The following ACOXL variants were observed in gnomAD, a reference collection of about 807,000 sequenced individuals.
ACOXL encodes acyl-coenzyme A oxidase-like protein.
ACOXL carries 70 observed loss-of-function variants against 71.9 expected under a neutral mutation model. The observed-to-expected ratio is 0.97, with a 90% CI of 0.80 to 1.19. The LOEUF is 1.19. Among genes scored for constraint, ACOXL ranks in the 50% most tolerant of loss-of-function variants. The probability of loss-of-function intolerance (pLI) is 0.00; values close to 1 mark genes in which losing one functional copy is unlikely to be tolerated. For synonymous variants in ACOXL, 253 were observed against 281.6 expected (o/e 0.90, Z 1.02); for missense variants, 703 against 736.3 (o/e 0.95, Z 0.52).
intron 2 of ACOXL, among the ~76,000 whole-genome samples, chr2:110,769,150 A>G (rs578021907): frequency 5.3e-4 from 81 of 152,060 alleles, no homozygotes; most frequent in African/African-American, 1.6e-3. Context: ...GACTTATCCA[A>G]AGTTTATGTC....
At chr2:110,992,643 G>A (rs1294363384) in intron 13 of ACOXL, among the ~76,000 whole-genome samples, 1 of 152,204 alleles carries the variant, frequency 6.6e-6, no homozygotes, top group African/African-American at 2.4e-5. Context: ...ACGAGGTAAG[G>A]CAGATGGAGC....
chr2:110,987,222 G>T lies in ACOXL; in HGVS notation c.1169+5G>T. The T allele has an allele frequency of 6.4e-7, 1 of 1,563,490 alleles. No homozygotes were observed. Among genetic ancestry groups the T allele is most frequent in the South Asian group, 1.2e-5 (1 of 85,184 alleles). Reference sequence around the variant, plus strand: ...GGGGGACAAGCTGAGAACCAGGTACGTATTACTCAGGCCATCATCATCTGC... The same window carrying T: ...GGGGGACAAGCTGAGAACCAGGTACTTATTACTCAGGCCATCATCATCTGC... On this transcript the variant is annotated splice_donor_5th_base_variant and intron_variant, in intron 13 of 17. Transcript: ENST00000439055.
At chr2:110,850,456 G>C (rs192981857) in intron 10 of ACOXL, among the ~76,000 whole-genome samples, 2 of 152,208 alleles carry the variant, frequency 1.3e-5, no homozygotes, top group African/African-American at 4.8e-5. Context: ...AAAAATACTC[G>C]AACTGATTAT....
chr2:110,981,828 C>T (rs1463974270), intron 12 of ACOXL, among the ~76,000 whole-genome samples: 4 of 152,120 alleles, frequency 2.6e-5, no homozygotes, highest in Non-Finnish European at 5.9e-5. Context: ...TGGAAGACCC[C>T]GAGGGACGGC....
Position 110,805,312 on chromosome 2 carries a change from A to G in ACOXL, c.670A>G (p.Lys224Glu). Residue 224 changes from lysine (K) to glutamate (E), a missense_variant, in exon 9 of 18, where the codon AAG becomes GAG. Transcript: ENST00000439055. ...ACAGTACCATTCGCCTATTAGGAACAAGAGTGCAAGATTCAATGCCATGCT... is the reference window on the plus strand; with the variant it reads ...ACAGTACCATTCGCCTATTAGGAACGAGAGTGCAAGATTCAATGCCATGCT... ...DGQYHSPIRNKSARFNAMLAA... is the reference protein window; with the variant it reads ...DGQYHSPIRNESARFNAMLAA... 1 of 1,614,262 alleles carries G rather than the reference A, an allele frequency of 6.2e-7. No individual in the cohort carries two copies. Among genetic ancestry groups the G allele is most frequent in the Non-Finnish European group, 8.5e-7 (1 of 1,180,046 alleles).
chr2:110,998,500 A>G (rs2063490457), intron 14 of ACOXL, among the ~76,000 whole-genome samples: 1 of 152,212 alleles, frequency 6.6e-6, no homozygotes, highest in African/African-American at 2.4e-5. Flanking sequence ...AAAAGTTCCC[A>G]CTGCGAATTG....
intron 10 of ACOXL, among the ~76,000 whole-genome samples, chr2:110,845,991 T>G (rs1691792862): frequency 6.6e-6 from 1 of 152,146 alleles, no homozygotes; most frequent in Non-Finnish European, 1.5e-5. Flanking sequence ...AAGTTTAAGT[T>G]TTTGAGGAGG....
chr2:110,900,086 T>TACACACAC (rs60758688), intron 10 of ACOXL, among the ~76,000 whole-genome samples: 1,495 of 143,276 alleles, frequency 0.01, 8 homozygotes, highest in South Asian at 0.02. Context: ...CACACACACA[T>TACACACAC]ACACACACAC....
intron 10 of ACOXL, among the ~76,000 whole-genome samples, chr2:110,906,719 T>A (rs938846753): frequency 1.3e-5 from 2 of 152,136 alleles, no homozygotes; most frequent in Non-Finnish European, 2.9e-5. Context: ...CTCTGGAGCA[T>A]GGGGCCATGC....
chr2:110,802,047 T>G (rs1686073047), intron 8 of ACOXL, among the ~76,000 whole-genome samples: 1 of 152,222 alleles, frequency 6.6e-6, no homozygotes, highest in Non-Finnish European at 1.5e-5. Context: ...GATTCTATGT[T>G]CAAAATAACC....
chr2:110,988,156 A>T (rs2063015086), intron 13 of ACOXL, among the ~76,000 whole-genome samples: 1 of 152,206 alleles, frequency 6.6e-6, no homozygotes, highest in Admixed American at 6.5e-5. Context: ...TATTGATTTC[A>T]GCCAGACATG....
At chr2:110,737,574 T>A (rs1559200061) in intron 1 of ACOXL, among the ~76,000 whole-genome samples, 1 of 152,204 alleles carries the variant, frequency 6.6e-6, no homozygotes, top group Non-Finnish European at 1.5e-5. Flanking sequence ...ATCCATTTGC[T>A]TAGTTTTCTA....
At chr2:110,995,707 G>T (rs539565709) in intron 13 of ACOXL, among the ~76,000 whole-genome samples, 186 bp from the exon 14 acceptor site, 1 of 151,736 alleles carries the variant, frequency 6.6e-6, no homozygotes, top group East Asian at 1.9e-4. Flanking sequence ...GAATAAACTA[G>T]AGCTAAGATT....
intron 12 of ACOXL, among the ~76,000 whole-genome samples, chr2:110,937,234 A>G (rs1169659249): frequency 1.3e-5 from 2 of 152,278 alleles, no homozygotes; most frequent in East Asian, 3.9e-4. Context: ...ACCAGCCCCC[A>G]TCCAGAAGCT....
intron 9 of ACOXL, among the ~76,000 whole-genome samples, chr2:110,828,747 G>A (rs1689460390): frequency 6.6e-6 from 1 of 152,168 alleles, no homozygotes; most frequent in Non-Finnish European, 1.5e-5. Context: ...TCAGTGGTGG[G>A]CTGGGGGGTG....
At chr2:110,956,218 T>C (rs1177886862) in intron 12 of ACOXL, among the ~76,000 whole-genome samples, 1 of 152,050 alleles carries the variant, frequency 6.6e-6, no homozygotes, top group Non-Finnish European at 1.5e-5. Flanking sequence ...GCCACAGATT[T>C]TTAATTACCT....
At chr2:110,957,131 T>C (rs2061530571) in intron 12 of ACOXL, among the ~76,000 whole-genome samples, 3 of 152,228 alleles carry the variant, frequency 2.0e-5, no homozygotes, top group African/African-American at 7.2e-5. Flanking sequence ...CTTTTTTTTT[T>C]CGGATGAATC....
intron 16 of ACOXL, among the ~76,000 whole-genome samples, chr2:111,052,815 C>T (rs1043865465): frequency 2.0e-5 from 3 of 152,146 alleles, no homozygotes; most frequent in African/African-American, 7.2e-5. Context: ...TCCAAGCAAG[C>T]TCAGCAAGTC....
chr2:111,051,762 G>A (rs778311522), intron 16 of ACOXL, among the ~76,000 whole-genome samples: 9 of 152,126 alleles, frequency 5.9e-5, no homozygotes, highest in Non-Finnish European at 8.8e-5. Context: ...ACGCCACTGC[G>A]CCCAGCTGAT....
Sources: gnomAD v4.1 joint callset for allele counts (sites outside exome capture counted in the v4.1 genomes callset) on GRCh38, gnomAD v4.1.1 for gene constraint, MANE v1.5 for transcripts, NCBI Gene and HGNC (gene_info 2026-07-23, HGNC 2026-07-21) for gene names.